The following PCDHA1 variants were observed in gnomAD, a reference collection of about 807,000 sequenced individuals.
PCDHA1 encodes the protein protocadherin alpha 1.
Under a neutral mutation model 61.3 loss-of-function variants are expected in PCDHA1, and 42 were observed. The ratio of observed to expected loss-of-function variants is 0.69; its 90% confidence interval spans 0.54 to 0.89. The LOEUF (loss-of-function observed/expected upper bound fraction) is 0.89, where lower values mean the gene tolerates loss of function less well. PCDHA1 is among the 40% of genes least tolerant of loss of function. PCDHA1 has a pLI of 0.00. For synonymous variants in PCDHA1, 610 were observed against 553.8 expected (o/e 1.10, Z -1.43); for missense variants, 1,256 against 1,235.3 (o/e 1.02, Z -0.25).
Position 140,850,172 on chromosome 5 carries a change from C to T in PCDHA1, c.2394+61488C>T, listed in dbSNP as rs2150470572. The T allele has an allele frequency of 5.0e-6, 8 of 1,594,262 alleles. 1 individual carries two copies. In the Admixed American group the frequency reaches 6.7e-5, roughly 13 times the overall value. On this transcript the variant is annotated intron_variant, in intron 1 of 3. Coordinates refer to ENST00000504120, the MANE Select transcript of PCDHA1 (RefSeq NM_018900.4). The stretch of plus-strand genomic sequence containing the variant: ...TGCAGGTGTTCGTGCTGGACGAGAA[C>T]GACAATGCGCCGGCGCTGCTGACAC...
At chr5:140,843,834 G>C in intron 1 of PCDHA1, 1 of 1,102,920 alleles carries the variant, frequency 9.1e-7, no homozygotes, top group Non-Finnish European at 1.3e-6. Flanking sequence ...ACATTGTTTA[G>C]TTTTTAGAAA....
intron 1 of PCDHA1, chr5:140,850,295 C>G (rs2150478300): frequency 5.6e-6 from 9 of 1,596,420 alleles, no homozygotes; most frequent in Non-Finnish European, 7.7e-6. Flanking sequence ...TGGACGCCGA[C>G]TCGGGCTACA....
intron 1 of PCDHA1, chr5:140,843,756 G>A: frequency 2.7e-6 from 4 of 1,503,408 alleles, no homozygotes; most frequent in Non-Finnish European, 3.7e-6. Flanking sequence ...TTCTATTTGT[G>A]GAAATTGTAG....
Position 140,847,536 on chromosome 5 carries a change from G to A in PCDHA1, c.2394+58852G>A, listed in dbSNP as rs1162683759. On this transcript the variant is annotated intron_variant, in intron 1 of 3. Transcript: ENST00000504120. ...AACTTAGTCAGGAAAAGAATCTCAAGCATAGCTTTAAAAACAGAAATTGCC... is the reference window on the plus strand; with the variant it reads ...AACTTAGTCAGGAAAAGAATCTCAAACATAGCTTTAAAAACAGAAATTGCC... 3 of 149,444 alleles carry A rather than the reference G, an allele frequency of 2.0e-5. 1 individual carries two copies. Among genetic ancestry groups the A allele is most frequent in the African/African-American group, 7.3e-5 (3 of 40,850 alleles). The allele number at this position is 149,444 out of a possible 1,614,324, so 9.3% of individuals were successfully genotyped here.
chr5:140,787,952 C>T lies in PCDHA1; in HGVS notation c.1662C>T (p.Phe554=). The change falls in exon 1 of 4, where the codon TTC becomes TTT. Residue 554 remains phenylalanine (F), a synonymous_variant. Coordinates refer to ENST00000504120, the MANE Select transcript of PCDHA1 (RefSeq NM_018900.4). ...GCAGCAACGTGACGCTGCAGGTGTTCGTGCTGGACGAGAACGACAACGCGC... is the reference window on the plus strand; with the variant it reads ...GCAGCAACGTGACGCTGCAGGTGTTTGTGCTGGACGAGAACGACAACGCGC... ...PLGSNVTLQV[F]VLDENDNAPA... 6.2e-7 allele frequency: 1 copy of T among 1,613,798 alleles called. No individual in the cohort carries two copies. Among genetic ancestry groups the T allele is most frequent in the African/African-American group, 1.3e-5 (1 of 75,004 alleles).
rs2044359336 is a variant in PCDHA1 at position 140,857,099 on chromosome 5, G to A, written c.2394+68415G>A. On this transcript the variant is annotated intron_variant, in intron 1 of 3. Transcript: ENST00000504120. ...AAATGATAATTCACCTGAGGTGATT[G>A]TCACTTCTCTGTCTCTCCCAGTGAA... 2 of 1,597,238 alleles carry A rather than the reference G, an allele frequency of 1.3e-6. No homozygotes were observed. The highest frequency in any genetic ancestry group is 3.4e-5 in the Admixed American group (2 of 59,246).
intron 1 of PCDHA1, chr5:140,870,538 C>T (rs539269989): frequency 6.2e-7 from 1 of 1,614,154 alleles, no homozygotes; most frequent in African/African-American, 1.3e-5. Flanking sequence ...AGTGTCGGCG[C>T]GGGACGCGGA....
chr5:140,980,441 A>G (rs1454168972), intron 2 of PCDHA1, among the ~76,000 whole-genome samples: 7 of 152,124 alleles, frequency 4.6e-5, no homozygotes, highest in African/African-American at 1.7e-4. Context: ...ACCATCCTGG[A>G]CAACACGGTG....
At chr5:140,803,026 A>G (rs1554122531) in intron 1 of PCDHA1, 48 of 1,613,978 alleles carry the variant, frequency 3.0e-5, no homozygotes, top group Non-Finnish European at 3.6e-5. Flanking sequence ...CTTTCGTATG[A>G]GCTGCAGCCT....
chr5:140,822,325 A>G (rs1767274274), intron 1 of PCDHA1: 1 of 1,614,194 alleles, frequency 6.2e-7, no homozygotes, highest in Non-Finnish European at 8.5e-7. Flanking sequence ...TGTTAAAACA[A>G]ATGAAGAAGA....
intron 1 of PCDHA1, chr5:140,870,316 T>C (rs1178506832): frequency 1.2e-6 from 2 of 1,614,126 alleles, no homozygotes; most frequent in Admixed American, 3.3e-5. Context: ...GAATTACTAC[T>C]CGTTGGTGCT....
chr5:140,878,600 A>G (rs2153362487), intron 1 of PCDHA1, among the ~76,000 whole-genome samples: 1 of 152,320 alleles, frequency 6.6e-6, no homozygotes, highest in East Asian at 1.9e-4. Context: ...TACCAAGTGA[A>G]TCTTCTAATG....
chr5:140,823,759 G>A (rs2150128860), intron 1 of PCDHA1: 6 of 1,613,792 alleles, frequency 3.7e-6, no homozygotes, highest in South Asian at 2.2e-5. Context: ...GACAGCCACA[G>A]CCACAGTGCT....
chr5:140,941,245 TTCTTTCTTTCTC>T (rs2092955664), intron 1 of PCDHA1, among the ~76,000 whole-genome samples: 1 of 140,868 alleles, frequency 7.1e-6, no homozygotes, highest in African/African-American at 2.6e-5. Flanking sequence ...CTTTCTTTCT[TTCTTTCTTTCTC>T]TTTCTTTCTT....
chr5:140,822,576 TGC>T (rs2150117469), intron 1 of PCDHA1: 12 of 1,612,800 alleles, frequency 7.4e-6, no homozygotes, highest in Non-Finnish European at 1.0e-5. Flanking sequence ...ACGCCTCAGA[TGC>T]AGATGAGGGC....
chr5:140,843,065 C>G, intron 1 of PCDHA1: 1 of 1,595,232 alleles, frequency 6.3e-7, no homozygotes, highest in Non-Finnish European at 8.6e-7. Context: ...CAAGCTGGTG[C>G]CGCGGTCTGT....
intron 1 of PCDHA1, chr5:140,969,591 T>C: frequency 2.4e-6 from 2 of 829,486 alleles, no homozygotes; most frequent in South Asian, 2.0e-5. Context: ...TTAGTCTTAA[T>C]ATTTAATGCT....
At chr5:140,931,440 AT>A (rs2153608083) in intron 1 of PCDHA1, among the ~76,000 whole-genome samples, 1 of 141,482 alleles carries the variant, frequency 7.1e-6, no homozygotes, top group South Asian at 2.3e-4. Flanking sequence ...AAAATTAGCT[AT>A]TTAAAAGGAA....
At chr5:140,812,287 T>G (rs1262930138) in intron 1 of PCDHA1, 2 of 152,076 alleles carry the variant, frequency 1.3e-5, no homozygotes, top group Non-Finnish European at 2.9e-5. Flanking sequence ...GGTTATTGAA[T>G]TTTTTGGTAT....
Sources: allele counts gnomAD v4.1 joint callset (sites outside exome capture counted in the v4.1 genomes callset), GRCh38; gene constraint gnomAD v4.1.1; transcripts MANE v1.5; gene names NCBI Gene and HGNC (gene_info 2026-07-23, HGNC 2026-07-21).